NRG3: variants seen among roughly 807,000 people sequenced by gnomAD.
NRG3 encodes the protein neuregulin 3.
Under a neutral mutation model 66.9 loss-of-function variants are expected in NRG3, and 31 were observed. The ratio of observed to expected loss-of-function variants is 0.46; its 90% CI spans 0.35 to 0.63. NRG3 has a LOEUF of 0.63. NRG3 is among the 20% of genes least tolerant of loss of function. The pLI, the probability that NRG3 is intolerant of heterozygous loss-of-function variation, is 0.00. For missense variants in NRG3, 910 were observed against 878.9 expected, an observed-to-expected ratio of 1.04 and a Z score of -0.45; for synonymous variants, 393 against 359.4, an observed-to-expected ratio of 1.09 and a Z score of -1.06.
intron 3 of NRG3, among the ~76,000 whole-genome samples, chr10:82,862,524 A>G (rs1057064741): frequency 3.9e-5 from 6 of 152,164 alleles, no homozygotes; most frequent in African/African-American, 9.7e-5. Flanking sequence ...CCACCTTTAC[A>G]TACTTGACCT....
At chr10:82,929,768 A>G (rs562378176) in intron 4 of NRG3, among the ~76,000 whole-genome samples, 4 of 150,848 alleles carry the variant, frequency 2.7e-5, no homozygotes, top group East Asian at 2.0e-4. Flanking sequence ...AATCACAGCT[A>G]TGGTGGCTGA....
At chr10:82,323,130 C>T (rs1335220938) in intron 1 of NRG3, among the ~76,000 whole-genome samples, 2 of 152,190 alleles carry the variant, frequency 1.3e-5, no homozygotes, top group Non-Finnish European at 2.9e-5. Context: ...TACTTTCAGT[C>T]TCTAAATTAT....
At chr10:82,276,739 C>G (rs546368618) in intron 1 of NRG3, among the ~76,000 whole-genome samples, 1 of 151,874 alleles carries the variant, frequency 6.6e-6, no homozygotes, top group Non-Finnish European at 1.5e-5. Context: ...CTTATGTGGT[C>G]TTATGTGGGA....
intron 2 of NRG3, among the ~76,000 whole-genome samples, chr10:82,689,995 A>G (rs2054798877): frequency 1.3e-5 from 2 of 152,188 alleles, no homozygotes; most frequent in Admixed American, 6.6e-5. Flanking sequence ...CTATTTTATA[A>G]TGACCATTTC....
At chr10:82,265,027 G>C (rs912803541) in intron 1 of NRG3, among the ~76,000 whole-genome samples, 3 of 152,146 alleles carry the variant, frequency 2.0e-5, no homozygotes, top group Admixed American at 2.0e-4. Flanking sequence ...AGTTCTCTCA[G>C]CAAGTTAACT....
At chr10:82,900,762 G>A (rs1406594287) in intron 4 of NRG3, among the ~76,000 whole-genome samples, 1 of 152,086 alleles carries the variant, frequency 6.6e-6, no homozygotes, top group African/African-American at 2.4e-5. Flanking sequence ...GAAAATAAAT[G>A]GTAGAGCTGA....
At chr10:82,682,398 CAGAT>C (rs57109130) in intron 2 of NRG3, among the ~76,000 whole-genome samples, 30,215 of 149,514 alleles carry the variant, frequency 0.2, 3,038 homozygotes, top group East Asian at 0.26. Flanking sequence ...AGTAGATAGA[CAGAT>C]AGATAGATAG....
At chr10:82,481,104 C>CTTA (rs1223804619) in intron 2 of NRG3, among the ~76,000 whole-genome samples, 1 of 152,194 alleles carries the variant, frequency 6.6e-6, no homozygotes, top group Non-Finnish European at 1.5e-5. Context: ...TCCCAGCTAC[C>CTTA]ATCTCATGCC....
At chr10:82,136,449 A>G (rs2069354404) in intron 1 of NRG3, among the ~76,000 whole-genome samples, 1 of 152,102 alleles carries the variant, frequency 6.6e-6, no homozygotes, top group Admixed American at 6.6e-5. Context: ...GGGAGAGTCC[A>G]GAAATGCCAT....
chr10:82,141,829 T>C (rs1247873169), intron 1 of NRG3, among the ~76,000 whole-genome samples: 2 of 152,204 alleles, frequency 1.3e-5, no homozygotes, highest in Non-Finnish European at 2.9e-5. Context: ...ATGTGTGAAC[T>C]CCTAAGTTGC....
intron 1 of NRG3, among the ~76,000 whole-genome samples, chr10:82,013,771 A>G (rs986931353): frequency 6.6e-6 from 1 of 152,148 alleles, no homozygotes; most frequent in African/African-American, 2.4e-5. Flanking sequence ...TTATATGTCT[A>G]ATGTTATTTA....
intron 4 of NRG3, among the ~76,000 whole-genome samples, chr10:82,945,002 G>C (rs1848883271): frequency 6.6e-6 from 1 of 152,070 alleles, no homozygotes; most frequent in East Asian, 1.9e-4. Flanking sequence ...ACCTTTACTG[G>C]TAGAGAAACA....
chr10:82,129,424 G>A (rs1002879983), intron 1 of NRG3, among the ~76,000 whole-genome samples: 7 of 151,928 alleles, frequency 4.6e-5, no homozygotes, highest in African/African-American at 1.7e-4. Context: ...AATTCTTATG[G>A]GTACATAGTT....
intron 2 of NRG3, among the ~76,000 whole-genome samples, chr10:82,726,435 G>A (rs1241751487): frequency 6.6e-6 from 1 of 152,230 alleles, no homozygotes; most frequent in East Asian, 1.9e-4. Flanking sequence ...TTCCCGTGCG[G>A]TTCTCATGGT....
At chr10:82,869,386 A>G (rs1471941977) in intron 4 of NRG3, among the ~76,000 whole-genome samples, 3 of 152,124 alleles carry the variant, frequency 2.0e-5, no homozygotes, top group Admixed American at 6.5e-5. Context: ...CATCATTATC[A>G]TTCAAAGTCC....
At chr10:82,175,858 A>G (rs1190866228) in intron 1 of NRG3, among the ~76,000 whole-genome samples, 1 of 152,150 alleles carries the variant, frequency 6.6e-6, no homozygotes, top group African/African-American at 2.4e-5. Flanking sequence ...TAAATTCTCT[A>G]GTTGATATAT....
At chr10:82,513,084 T>C (rs951884300) in intron 2 of NRG3, among the ~76,000 whole-genome samples, 43 of 152,206 alleles carry the variant, frequency 2.8e-4, no homozygotes, top group African/African-American at 8.4e-4. Flanking sequence ...ATGCATTAGC[T>C]ATCTATCCTG....
At chr10:82,390,116 A>T (rs1291372803) in intron 2 of NRG3, among the ~76,000 whole-genome samples, 3 of 152,262 alleles carry the variant, frequency 2.0e-5, no homozygotes, top group African/African-American at 7.2e-5. Context: ...CAAGAGTACA[A>T]ACCTATCTGT....
intron 3 of NRG3, among the ~76,000 whole-genome samples, chr10:82,747,362 G>C (rs963708487): frequency 6.6e-6 from 1 of 151,964 alleles, no homozygotes; most frequent in Non-Finnish European, 1.5e-5. Flanking sequence ...GTAAGTCTCT[G>C]TACCTTGATG....
Sources: allele counts gnomAD v4.1 joint callset (sites outside exome capture counted in the v4.1 genomes callset), GRCh38; gene constraint gnomAD v4.1.1; transcripts MANE v1.5; gene names NCBI Gene and HGNC (gene_info 2026-07-23, HGNC 2026-07-21).